KSR1: variants seen among roughly 807,000 people sequenced by gnomAD.
KSR1 encodes kinase suppressor of ras.
KSR1 carries 35 observed loss-of-function variants against 92.9 expected under a neutral mutation model. That is an observed-to-expected ratio of 0.38 (90% CI 0.29 to 0.50). The LOEUF is 0.50. Ranked by LOEUF, KSR1 falls within the 20% of genes least tolerant of loss-of-function variation. The pLI, the probability that KSR1 is intolerant of heterozygous loss-of-function variation, is 0.94. For synonymous variants in KSR1, 467 were observed against 472.6 expected (o/e 0.99, Z 0.15); for missense variants, 972 against 1,158.5 (o/e 0.84, Z 2.34).
intron 10 of KSR1, among the ~76,000 whole-genome samples, chr17:27,599,420 G>T (rs574593245): frequency 3.3e-4 from 50 of 152,288 alleles, no homozygotes; most frequent in Non-Finnish European, 6.0e-4. Context: ...AGCCAAGTGT[G>T]GTGGCACATA....
intron 1 of KSR1, among the ~76,000 whole-genome samples, chr17:27,464,411 C>T (rs1437433346): frequency 6.6e-6 from 1 of 152,142 alleles, no homozygotes; most frequent in African/African-American, 2.4e-5. Context: ...GGTGGGAAAT[C>T]CTTAACTTTT....
intron 15 of KSR1, 145 bp from the exon 16 acceptor site, chr17:27,609,051 C>A: frequency 3.0e-6 from 3 of 1,000,090 alleles, no homozygotes; most frequent in Non-Finnish European, 4.3e-6. Context: ...CCTCTCTGAA[C>A]CTCGATTTCT....
At chr17:27,586,184 G>T (rs2072960025) in intron 5 of KSR1, among the ~76,000 whole-genome samples, 1 of 152,198 alleles carries the variant, frequency 6.6e-6, no homozygotes, top group Non-Finnish European at 1.5e-5. Flanking sequence ...CCTTTGGGAG[G>T]AGAGGACACC....
intron 9 of KSR1, among the ~76,000 whole-genome samples, chr17:27,595,222 GC>G (rs1478991079): frequency 6.6e-6 from 1 of 152,230 alleles, no homozygotes; most frequent in Non-Finnish European, 1.5e-5. Flanking sequence ...CATTCAGGAA[GC>G]ACTGGTCAGA....
At chr17:27,516,010 C>T (rs1448936117) in intron 1 of KSR1, among the ~76,000 whole-genome samples, 2 of 152,194 alleles carry the variant, frequency 1.3e-5, no homozygotes, top group Non-Finnish European at 2.9e-5. Flanking sequence ...CACCATTCAA[C>T]ATAGCTTCCT....
intron 1 of KSR1, among the ~76,000 whole-genome samples, chr17:27,461,078 G>GT (rs1195955216): frequency 6.6e-6 from 1 of 151,956 alleles, no homozygotes; most frequent in Non-Finnish European, 1.5e-5. Context: ...TTTGTTTTTT[G>GT]TTTTTGTTTT....
At chr17:27,490,598 T>A (rs1265446680) in intron 1 of KSR1, among the ~76,000 whole-genome samples, 1 of 152,214 alleles carries the variant, frequency 6.6e-6, no homozygotes, top group Non-Finnish European at 1.5e-5. Flanking sequence ...GTCTTCCTGC[T>A]GGCTTCCTGA....
In KSR1 at chr17:27,623,889, C is replaced by A; in HGVS notation, c.*497C>A. On this transcript the variant is annotated 3_prime_UTR_variant, in exon 21 of 21. Transcript: ENST00000644974. Reference sequence around the variant, plus strand: ...CCAAGACTCCATCAGGGAAATCTATCTAGGGCTCTCCCCTTGTCCTTTCAA... The same window carrying A: ...CCAAGACTCCATCAGGGAAATCTATATAGGGCTCTCCCCTTGTCCTTTCAA... 1 of 429,862 alleles carries A rather than the reference C, an allele frequency of 2.3e-6. No homozygotes were observed. Among genetic ancestry groups the A allele is most frequent in the Non-Finnish European group, 4.0e-6 (1 of 247,306 alleles). The allele number at this position is 429,862 out of a possible 1,614,324, so 26.6% of individuals were successfully genotyped here. A position where few individuals can be genotyped will look rare whatever the true frequency, so the allele number is the denominator to read the frequency against.
intron 1 of KSR1, among the ~76,000 whole-genome samples, chr17:27,498,904 G>A (rs911375189): frequency 1.3e-5 from 2 of 152,160 alleles, no homozygotes; most frequent in Non-Finnish European, 2.9e-5. Flanking sequence ...AGCAAAGGGC[G>A]GCATGAGGCA....
At chr17:27,483,571 G>A (rs1157445120) in intron 1 of KSR1, 1 of 131,696 alleles carries the variant, frequency 7.6e-6, no homozygotes, top group Admixed American at 8.7e-5. Context: ...TGGGCAACAA[G>A]AGCGAAATTC....
chr17:27,550,735 G>A (rs369260100), intron 2 of KSR1, 27 bp downstream of exon 2: 3 of 755,334 alleles, frequency 4.0e-6, no homozygotes, highest in Non-Finnish European at 7.3e-6. Context: ...TCAGCATAGG[G>A]ATAGGCATGA....
At chr17:27,596,301 G>A (rs2073343485) in intron 9 of KSR1, among the ~76,000 whole-genome samples, 1 of 152,190 alleles carries the variant, frequency 6.6e-6, no homozygotes, top group Admixed American at 6.5e-5. Flanking sequence ...CTCAGGCCGA[G>A]GCCTTCTCTC....
intron 1 of KSR1, among the ~76,000 whole-genome samples, chr17:27,542,269 T>C (rs2070994268): frequency 6.6e-6 from 1 of 152,244 alleles, no homozygotes; most frequent in Admixed American, 6.5e-5. Context: ...GACATGATTC[T>C]GTAACTGAGG....
Position 27,581,103 on chromosome 17 carries a change from ATCGGGAAGGC to A in KSR1, c.521-1540_521-1531del, listed in dbSNP as rs1342740612. On this transcript the variant is annotated intron_variant, in intron 3 of 20. Coordinates refer to ENST00000644974, the MANE Select transcript of KSR1 (RefSeq NM_001394583.1). ...TAGCAGCTTCTGGTTCTGGAGAGGC[ATCGGGAAGGC>A]TCCAGGCATAGCGGAAGGCAAGGGG... 2.0e-5 allele frequency among the ~76,000 whole-genome samples: 3 copies of A among 152,286 alleles called. No homozygotes were observed. In the East Asian group the frequency reaches 5.8e-4, roughly 29 times the overall value.
At chr17:27,592,296 C>G in intron 7 of KSR1, 65 bp from the exon 8 acceptor site, 1 of 1,284,762 alleles carries the variant, frequency 7.8e-7, no homozygotes. Flanking sequence ...CTACACAGAG[C>G]TACCCCTGTG....
intron 1 of KSR1, among the ~76,000 whole-genome samples, chr17:27,506,008 C>A (rs2069366241): frequency 6.6e-6 from 1 of 152,038 alleles, no homozygotes; most frequent in South Asian, 2.1e-4. Flanking sequence ...AGAAGATAGC[C>A]TTTAAAAAAC....
At chr17:27,544,047 G>A (rs1254472645) in intron 1 of KSR1, among the ~76,000 whole-genome samples, 1 of 152,232 alleles carries the variant, frequency 6.6e-6, no homozygotes, top group Non-Finnish European at 1.5e-5. Flanking sequence ...GCCGCCGCAA[G>A]AGTGTTTTCT....
intron 2 of KSR1, among the ~76,000 whole-genome samples, chr17:27,564,032 A>C (rs1841140218): frequency 9.6e-6 from 1 of 103,788 alleles, no homozygotes; most frequent in African/African-American, 4.0e-5. Context: ...CTTGTTGCCG[A>C]GGCTGGAGTG....
At chr17:27,593,083 T>C (rs1403296001) in intron 9 of KSR1, among the ~76,000 whole-genome samples, 2 of 152,128 alleles carry the variant, frequency 1.3e-5, no homozygotes, top group Non-Finnish European at 2.9e-5. Context: ...ATTAAAGCAA[T>C]TGCCATGGCA....
Sources: allele counts gnomAD v4.1 joint callset (sites outside exome capture counted in the v4.1 genomes callset), GRCh38; gene constraint gnomAD v4.1.1; transcripts MANE v1.5; gene names NCBI Gene and HGNC (gene_info 2026-07-23, HGNC 2026-07-21).